The following CDK6 variants were observed in gnomAD, a reference collection of about 807,000 sequenced individuals.
CDK6 encodes the protein cyclin dependent kinase 6.
In CDK6, 6 loss-of-function variants were observed where a neutral mutation model predicts 37.1. That is an observed-to-expected ratio of 0.16 (90% CI 0.09 to 0.32). CDK6 has a LOEUF of 0.32. Ranked by LOEUF, CDK6 falls within the 10% of genes least tolerant of loss-of-function variation. CDK6 has a pLI of 1.00. For missense variants in CDK6, 224 were observed against 418.9 expected (o/e 0.53, Z 4.06); for synonymous variants, 160 against 161.3 (o/e 0.99, Z 0.06).
chr7:92,778,624 T>C (rs919615439), intron 2 of CDK6, among the ~76,000 whole-genome samples: 4 of 152,102 alleles, frequency 2.6e-5, no homozygotes, highest in African/African-American at 9.7e-5. Context: ...AACTTCACTC[T>C]TTTCTTCCTA....
At chr7:92,655,979 G>T (rs1796686644) in intron 5 of CDK6, among the ~76,000 whole-genome samples, 1 of 152,126 alleles carries the variant, frequency 6.6e-6, no homozygotes, top group African/African-American at 2.4e-5. Flanking sequence ...AAGCAAAACT[G>T]GAGCAATAAA....
chr7:92,648,122 C>T (rs1361468890), intron 5 of CDK6, among the ~76,000 whole-genome samples: 3 of 151,952 alleles, frequency 2.0e-5, no homozygotes, highest in African/African-American at 4.8e-5. Flanking sequence ...TAAGTGTGTT[C>T]GTGCGTGCTT....
chr7:92,724,926 T>G (rs1330993455), intron 4 of CDK6: 4 of 782,660 alleles, frequency 5.1e-6, no homozygotes. Flanking sequence ...GTGCAGAATT[T>G]CACAAAAATC....
intron 7 of CDK6, among the ~76,000 whole-genome samples, chr7:92,617,330 C>T (rs1020627426): frequency 6.6e-6 from 1 of 152,146 alleles, no homozygotes; most frequent in African/African-American, 2.4e-5. Flanking sequence ...GGAGCTGCTG[C>T]CTCTCTGGCA....
intron 5 of CDK6, among the ~76,000 whole-genome samples, chr7:92,627,785 G>A (rs185524736): frequency 1.3e-4 from 20 of 151,994 alleles, no homozygotes; most frequent in African/African-American, 4.8e-4. Context: ...TTGGTGAATT[G>A]TGTGGTTATA....
intron 2 of CDK6, among the ~76,000 whole-genome samples, chr7:92,827,020 C>A (rs1367024650): frequency 6.6e-6 from 1 of 152,118 alleles, no homozygotes; most frequent in Non-Finnish European, 1.5e-5. Context: ...CATCAGTCAT[C>A]CTGTCTTACC....
intron 2 of CDK6, among the ~76,000 whole-genome samples, chr7:92,809,242 TA>T (rs1800811533): frequency 6.6e-6 from 1 of 152,182 alleles, no homozygotes; most frequent in Non-Finnish European, 1.5e-5. Flanking sequence ...AACTCAGGCT[TA>T]AAAAGTTTCA....
rs889718701 is a variant in CDK6 at position 92,826,105 on chromosome 7, C to T, written c.233+6986G>A. On this transcript the variant is annotated intron_variant, in intron 2 of 7. Transcript: ENST00000424848. ...TAGAAATAATTCATATGGTGTCTTC[C>T]TTTATAACTGGACCCCTTTTCAATG... 1.2e-4 allele frequency among the ~76,000 whole-genome samples: 18 copies of T among 152,114 alleles called. No homozygotes were observed. The East Asian group carries it at 3.5e-3, about 29-fold the overall frequency.
intron 3 of CDK6, among the ~76,000 whole-genome samples, chr7:92,765,423 G>A (rs543262655): frequency 6.6e-6 from 1 of 152,090 alleles, no homozygotes; most frequent in East Asian, 1.9e-4. Flanking sequence ...TATATTCTTA[G>A]CTACAACACA....
At chr7:92,764,115 T>A (rs1190447360) in intron 3 of CDK6, among the ~76,000 whole-genome samples, 1 of 151,518 alleles carries the variant, frequency 6.6e-6, no homozygotes, top group Admixed American at 6.6e-5. Flanking sequence ...AACCATTACA[T>A]GGTAGTAGCC....
intron 4 of CDK6, among the ~76,000 whole-genome samples, chr7:92,721,281 C>A (rs1394901424): frequency 6.6e-6 from 1 of 152,122 alleles, no homozygotes; most frequent in African/African-American, 2.4e-5. Context: ...GAAGGATGAG[C>A]CCATGCCCTT....
chr7:92,634,403 TACC>T (rs1457325202), intron 5 of CDK6, among the ~76,000 whole-genome samples: 1 of 152,182 alleles, frequency 6.6e-6, no homozygotes, highest in Non-Finnish European at 1.5e-5. Flanking sequence ...CTTCTGCTGG[TACC>T]ACATTATTTT....
chr7:92,806,106 T>C (rs142955977), intron 2 of CDK6, among the ~76,000 whole-genome samples: 1 of 152,340 alleles, frequency 6.6e-6, no homozygotes, highest in African/African-American at 2.4e-5. Context: ...ACATATGTTA[T>C]GTATATTACC....
chr7:92,656,147 G>A (rs1001320705), intron 5 of CDK6, among the ~76,000 whole-genome samples: 2 of 152,130 alleles, frequency 1.3e-5, no homozygotes, highest in Non-Finnish European at 2.9e-5. Flanking sequence ...GAGCGTGGAG[G>A]GAGGGAAGAA....
At chr7:92,702,156 C>T (rs1797862788) in intron 4 of CDK6, among the ~76,000 whole-genome samples, 1 of 147,258 alleles carries the variant, frequency 6.8e-6, no homozygotes, top group Non-Finnish European at 1.5e-5. Context: ...CTGATTCTTT[C>T]CTTATAGAAG....
intron 4 of CDK6, among the ~76,000 whole-genome samples, chr7:92,680,301 G>A (rs1797302725): frequency 6.6e-6 from 1 of 150,886 alleles, no homozygotes; most frequent in Non-Finnish European, 1.5e-5. Flanking sequence ...GCATGGTGGT[G>A]CATGCCTGTA....
chr7:92,675,992 T>A (rs1040757426), intron 4 of CDK6, among the ~76,000 whole-genome samples: 5 of 152,086 alleles, frequency 3.3e-5, no homozygotes, highest in African/African-American at 1.2e-4. Context: ...GTCAGAAGTT[T>A]AGCCATATTA....
At chr7:92,743,236 C>CAG (rs1798971697) in intron 3 of CDK6, among the ~76,000 whole-genome samples, 1 of 151,272 alleles carries the variant, frequency 6.6e-6, no homozygotes, top group Non-Finnish European at 1.5e-5. Context: ...ATTAGCTGGG[C>CAG]GTGGTGGCAG....
At chr7:92,694,683 G>A (rs980394885) in intron 4 of CDK6, among the ~76,000 whole-genome samples, 1 of 152,138 alleles carries the variant, frequency 6.6e-6, no homozygotes, top group Non-Finnish European at 1.5e-5. Flanking sequence ...TGTCTGTCTC[G>A]TGTTCTTTTC....
Sources: gnomAD v4.1 joint callset for allele counts (sites outside exome capture counted in the v4.1 genomes callset) on GRCh38, gnomAD v4.1.1 for gene constraint, MANE v1.5 for transcripts, NCBI Gene and HGNC (gene_info 2026-07-23, HGNC 2026-07-21) for gene names.